EFEMP1: variants seen among roughly 807,000 people sequenced by gnomAD.
EFEMP1 encodes EGF-like fibulin extracellular matrix protein 1.
EFEMP1 carries 18 observed loss-of-function variants against 65.7 expected under a neutral mutation model. That is an observed-to-expected ratio of 0.27 (90% CI 0.19 to 0.41). EFEMP1 has a LOEUF of 0.41. Among genes scored for constraint, EFEMP1 ranks in the 10% least tolerant of loss-of-function variants. EFEMP1 has a pLI of 1.00. For synonymous variants in EFEMP1, 237 were observed against 219.7 expected (o/e 1.08, Z -0.70); for missense variants, 469 against 624.8 (o/e 0.75, Z 2.66).
chr2:55,876,309 G>A (rs1268527337), intron 8 of EFEMP1, among the ~76,000 whole-genome samples: 2 of 152,110 alleles, frequency 1.3e-5, no homozygotes, highest in Non-Finnish European at 2.9e-5. Context: ...CTGAGATTCT[G>A]CATTTCTCAT....
At chr2:55,906,831 A>G (rs543649063) in intron 5 of EFEMP1, among the ~76,000 whole-genome samples, 1 of 152,336 alleles carries the variant, frequency 6.6e-6, no homozygotes, top group African/African-American at 2.4e-5. Context: ...TTCATCAAAA[A>G]TGTCAATTTT....
rs1417879277 is a variant in EFEMP1, at chr2:55,883,623, A to G, written c.518-1889T>C. ...TGCTGCATTTTCTAAGGGAGGCCTCAGCAGTGACTGAGGCTTTTCTTTTTG... is the reference window on the plus strand; with the variant it reads ...TGCTGCATTTTCTAAGGGAGGCCTCGGCAGTGACTGAGGCTTTTCTTTTTG... On this transcript the variant is annotated intron_variant, in intron 5 of 11. Coordinates refer to ENST00000355426, the MANE Select transcript of EFEMP1 (RefSeq NM_001039348.3). This position sits in a 1 kb window ranked among gnomAD's most constrained non-coding sequence, Gnocchi z 4.5. 6.6e-6 allele frequency among the ~76,000 whole-genome samples: 1 copy of G among 152,164 alleles called. No homozygotes were observed. The highest frequency in any genetic ancestry group is 6.5e-5 in the Admixed American group (1 of 15,274).
At chr2:55,909,885 C>A (rs982116039) in intron 5 of EFEMP1, among the ~76,000 whole-genome samples, 6 of 152,110 alleles carry the variant, frequency 3.9e-5, no homozygotes, top group Non-Finnish European at 7.4e-5. Context: ...ATGAGCATTC[C>A]TTCCTTCTAC....
At position 55,877,928 on chromosome 2, in the gene EFEMP1, A is replaced by G. The variant is rs998422789; in HGVS notation, c.641-63T>C. ...ATTGAATTAGCATTCTCTGAAAAGCATTATCTAGAAAACCTATGTAGAGAA... is the reference window on the plus strand; with the variant it reads ...ATTGAATTAGCATTCTCTGAAAAGCGTTATCTAGAAAACCTATGTAGAGAA... On this transcript the variant is annotated intron_variant, in intron 6 of 11. Coordinates refer to ENST00000355426, the MANE Select transcript of EFEMP1 (RefSeq NM_001039348.3). The surrounding 1 kb of genome is among the most constrained non-coding windows in gnomAD (Gnocchi z 4.5). 6.3e-7 allele frequency: 1 copy of G among 1,596,734 alleles called. No homozygotes were observed. Among genetic ancestry groups the G allele is most frequent in the Middle Eastern group, 1.7e-4 (1 of 5,946 alleles).
Position 55,917,085 on chromosome 2 carries a change from G to A in EFEMP1, c.517+580C>T, listed in dbSNP as rs1670722852. ...GCAGGAGCCCCATTTCTTTACTCCTGAATGAGGAAAATAAGTCTGTGGCAA... is the reference window on the plus strand; with the variant it reads ...GCAGGAGCCCCATTTCTTTACTCCTAAATGAGGAAAATAAGTCTGTGGCAA... On this transcript the variant is annotated intron_variant, in intron 5 of 11. Transcript: ENST00000355426. This position sits in a 1 kb window ranked among gnomAD's most constrained non-coding sequence, Gnocchi z 6.3. 6.6e-6 allele frequency among the ~76,000 whole-genome samples: 1 copy of A among 152,188 alleles called. No homozygotes were observed. Among genetic ancestry groups the A allele is most frequent in the Admixed American group, 6.5e-5 (1 of 15,278 alleles).
At chr2:55,913,407 G>A (rs1019959533) in intron 5 of EFEMP1, among the ~76,000 whole-genome samples, 1 of 152,128 alleles carries the variant, frequency 6.6e-6, no homozygotes, top group Admixed American at 6.5e-5. Context: ...CATTCGTACT[G>A]AGTTCATTTC....
chr2:55,881,781 T>C (rs992486466), intron 5 of EFEMP1, 47 bp from the exon 6 acceptor site: 5 of 1,613,336 alleles, frequency 3.1e-6, no homozygotes, highest in Admixed American at 1.7e-5. Context: ...TGTGAAGATG[T>C]TGATATTTCC....
chr2:55,881,756 GA>G (rs775497001), intron 5 of EFEMP1, 22 bp from the exon 6 acceptor site: 3 of 1,613,728 alleles, frequency 1.9e-6, no homozygotes, highest in Non-Finnish European at 2.5e-6. Flanking sequence ...ATGCAACACA[GA>G]AAGAATTGTC....
chr2:55,913,393 T>C (rs1050110721), intron 5 of EFEMP1, among the ~76,000 whole-genome samples: 2 of 152,200 alleles, frequency 1.3e-5, no homozygotes, highest in African/African-American at 4.8e-5. Flanking sequence ...TCAACTTTAT[T>C]GGACATTCGT....
In EFEMP1 at chr2:55,873,259, A is replaced by G. The variant is rs1388774732; in HGVS notation, c.1000+1687T>C. Among the ~76,000 whole-genome samples, 3 of 152,118 alleles carry G rather than the reference A, an allele frequency of 2.0e-5. No homozygotes were observed. The highest frequency in any genetic ancestry group is 2.0e-4 in the Admixed American group (3 of 15,254). On this transcript the variant is annotated intron_variant, in intron 9 of 11. Coordinates refer to ENST00000355426, the MANE Select transcript of EFEMP1 (RefSeq NM_001039348.3). The surrounding 1 kb of genome is among the most constrained non-coding windows in gnomAD (Gnocchi z 4.6). ...TTCCGTAGGAGAAAGCAATTGCTTT[A>G]TACTTTAGAAGAATGCTAAGTCTTT...
chr2:55,897,869 G>A (rs1354521420), intron 5 of EFEMP1, among the ~76,000 whole-genome samples: 1 of 152,142 alleles, frequency 6.6e-6, no homozygotes, highest in Non-Finnish European at 1.5e-5. Context: ...ATGGATGGTA[G>A]GGGGGTTGTG....
At chr2:55,880,211 T>G (rs368552676) in intron 6 of EFEMP1, among the ~76,000 whole-genome samples, 4 of 152,086 alleles carry the variant, frequency 2.6e-5, no homozygotes, top group Non-Finnish European at 5.9e-5. Context: ...TGTCGAGGAA[T>G]GTAGACTTGA....
chr2:55,869,778 A>C (rs1266149003), intron 11 of EFEMP1, among the ~76,000 whole-genome samples: 2 of 152,176 alleles, frequency 1.3e-5, no homozygotes, highest in Non-Finnish European at 2.9e-5. Context: ...AGCATGAAAC[A>C]GTTACCGTAA....
In EFEMP1 at chr2:55,883,699, C is replaced by T. The variant is rs1669327535; in HGVS notation, c.518-1965G>A. ...CCCGCTGCATTCCTACAACTGATGC[C>T]CTATGACTTCCTTCCTACTTTCTTG... On this transcript the variant is annotated intron_variant, in intron 5 of 11. Coordinates refer to ENST00000355426, the MANE Select transcript of EFEMP1 (RefSeq NM_001039348.3). This position sits in a 1 kb window ranked among gnomAD's most constrained non-coding sequence, Gnocchi z 4.5. 6.6e-6 allele frequency among the ~76,000 whole-genome samples: 1 copy of T among 152,018 alleles called. No individual in the cohort carries two copies. The highest frequency in any genetic ancestry group is 2.1e-4 in the South Asian group (1 of 4,816).
intron 5 of EFEMP1, among the ~76,000 whole-genome samples, chr2:55,907,706 T>A (rs945661866): frequency 6.6e-6 from 1 of 152,210 alleles, no homozygotes; most frequent in African/African-American, 2.4e-5. Flanking sequence ...TGTGACAGAC[T>A]TGGTCTGCAA....
chr2:55,912,043 T>A (rs1670499249), intron 5 of EFEMP1, among the ~76,000 whole-genome samples: 1 of 152,154 alleles, frequency 6.6e-6, no homozygotes, highest in Non-Finnish European at 1.5e-5. Context: ...CTCTTATCCA[T>A]TTATATAACT....
Position 55,917,309 on chromosome 2 carries a change from G to A in EFEMP1, c.517+356C>T, listed in dbSNP as rs1362571271. 6.6e-6 allele frequency among the ~76,000 whole-genome samples: 1 copy of A among 152,092 alleles called. No individual in the cohort carries two copies. Among genetic ancestry groups the A allele is most frequent in the Admixed American group, 6.5e-5 (1 of 15,268 alleles). On this transcript the variant is annotated intron_variant, in intron 5 of 11. Transcript: ENST00000355426. This position sits in a 1 kb window ranked among gnomAD's most constrained non-coding sequence, Gnocchi z 6.3. ...GGTTCTCAAACTTGGCCGCACATGA[G>A]GAACTGAAAAAAAAGCCGATGCCTG...
intron 5 of EFEMP1, among the ~76,000 whole-genome samples, chr2:55,900,973 C>G (rs548603200): frequency 1.3e-5 from 2 of 152,174 alleles, no homozygotes; most frequent in Non-Finnish European, 2.9e-5. Context: ...AGTTTTAACT[C>G]TTAAACAACC....
chr2:55,886,696 T>C lies in EFEMP1; in HGVS notation c.518-4962A>G, dbSNP rs1358335073. Among the ~76,000 whole-genome samples the C allele has an allele frequency of 1.3e-5, 2 of 152,194 alleles. No homozygotes were observed. The highest frequency in any genetic ancestry group is 2.9e-5 in the Non-Finnish European group (2 of 68,020). The stretch of plus-strand genomic sequence containing the variant: ...CCTTTCTAGAGACAGGGTGATAAAC[T>C]AGTTCCTACCAAAGTACTCTTTTTA... On this transcript the variant is annotated intron_variant, in intron 5 of 11. Transcript: ENST00000355426. The surrounding 1 kb of genome is among the most constrained non-coding windows in gnomAD (Gnocchi z 4.0).
Sources: gnomAD v4.1 joint callset for allele counts (sites outside exome capture counted in the v4.1 genomes callset) on GRCh38, gnomAD v4.1.1 for gene constraint, Gnocchi (gnomAD v3.1) non-coding constraint, MANE v1.5 for transcripts, NCBI Gene and HGNC (gene_info 2026-07-23, HGNC 2026-07-21) for gene names.